The following AP3D1 variants were observed in gnomAD, a reference collection of about 807,000 sequenced individuals.
The protein encoded by AP3D1 is adaptor related protein complex 3 subunit delta 1.
AP3D1 carries 51 observed loss-of-function variants against 147.6 expected under a neutral mutation model. The observed-to-expected ratio is 0.35, with a 90% CI of 0.28 to 0.44. The LOEUF is 0.44. Among genes scored for constraint, AP3D1 ranks in the 20% least tolerant of loss-of-function variants. The pLI is 1.00. For missense variants in AP3D1, 1,421 were observed against 1,624.2 expected (o/e 0.87, Z 2.15); for synonymous variants, 760 against 663.0 (o/e 1.15, Z -2.25).
intron 1 of AP3D1, among the ~76,000 whole-genome samples, chr19:2,147,664 G>A (rs1235226544): frequency 6.6e-6 from 1 of 151,828 alleles, no homozygotes; most frequent in Non-Finnish European, 1.5e-5. Context: ...GGGAGGCAAA[G>A]GTGGGCAGAT....
intron 1 of AP3D1, among the ~76,000 whole-genome samples, chr19:2,157,831 G>A (rs2019660892): frequency 6.6e-6 from 1 of 152,228 alleles, no homozygotes; most frequent in Non-Finnish European, 1.5e-5. Flanking sequence ...CAGGATTGGG[G>A]AAAAGTGATC....
chr19:2,113,022 C>T, intron 23 of AP3D1, 55 bp from the exon 24 acceptor site: 2 of 1,347,178 alleles, frequency 1.5e-6, no homozygotes, highest in Non-Finnish European at 2.1e-6. Context: ...CCCCACTCCA[C>T]TGCACCCCAG....
intron 1 of AP3D1, 87 bp downstream of exon 1, chr19:2,151,152 G>A: frequency 2.4e-6 from 3 of 1,274,180 alleles, no homozygotes; most frequent in Non-Finnish European, 3.2e-6. Flanking sequence ...CGGGCGGGCG[G>A]CAGGCCGAGC....
intron 5 of AP3D1, among the ~76,000 whole-genome samples, chr19:2,131,706 C>T (rs1299580847): frequency 1.4e-4 from 11 of 76,066 alleles, no homozygotes; most frequent in African/African-American, 4.9e-4. Context: ...TAGACACCTC[C>T]GGGCGGACAG....
chr19:2,111,843 G>A lies in AP3D1; in HGVS notation c.2788-15C>T, dbSNP rs1251606132. 2 of 1,613,220 alleles carry A rather than the reference G, an allele frequency of 1.2e-6. No individual in the cohort carries two copies. Among genetic ancestry groups the A allele is most frequent in the East Asian group, 4.5e-5 (2 of 44,850 alleles). ...TTGGGAGATTTCTGGAGCAAGAGGAGGGTCGGGTTCAGTGCCCAGGCTGCT... is the reference window on the plus strand; with the variant it reads ...TTGGGAGATTTCTGGAGCAAGAGGAAGGTCGGGTTCAGTGCCCAGGCTGCT... On this transcript the variant is annotated splice_polypyrimidine_tract_variant and intron_variant, in intron 24 of 31. Transcript: ENST00000643116.
At chr19:2,158,589 T>G (rs1362464647) in intron 1 of AP3D1, among the ~76,000 whole-genome samples, 1 of 151,726 alleles carries the variant, frequency 6.6e-6, no homozygotes, top group Non-Finnish European at 1.5e-5. Flanking sequence ...ATTACAAGCC[T>G]GAGCCACCGA....
chr19:2,152,622 A>G (rs1453834488), upstream of AP3D1, among the ~76,000 whole-genome samples: 1 of 152,048 alleles, frequency 6.6e-6, no homozygotes, highest in African/African-American at 2.4e-5. Flanking sequence ...TCACACCTGT[A>G]ATCCCAGCAC....
rs770025208 is a variant in AP3D1 at position 2,121,784 on chromosome 19, C to T, written c.1051G>A (p.Asp351Asn). The T allele has an allele frequency of 6.8e-6, 11 of 1,612,848 alleles. No homozygotes were observed. Among genetic ancestry groups the T allele is most frequent in the East Asian group, 2.2e-5 (1 of 44,848 alleles). Residue 351 changes from aspartate (D) to asparagine (N), a missense_variant, in exon 12 of 32, where the codon GAC becomes AAC. Coordinates refer to ENST00000643116, the MANE Select transcript of AP3D1 (RefSeq NM_001261826.3). ...CGCAGCCGGATGGACTCGTCCTTGT[C>T]GTCCAGGCACTGCAGGATGAGGTCC... The part of the protein sequence containing the change: ...HKDLILQCLD[D>N]KDESIRLRAL...
At chr19:2,146,709 C>T (rs2019366337) in intron 1 of AP3D1, among the ~76,000 whole-genome samples, 1 of 152,192 alleles carries the variant, frequency 6.6e-6, no homozygotes, top group Admixed American at 6.5e-5. Flanking sequence ...AATCCACGCC[C>T]TCTGGTCCAC....
chr19:2,151,207 G>T, intron 1 of AP3D1, 32 bp downstream of exon 1: 1 of 1,594,068 alleles, frequency 6.3e-7, no homozygotes, highest in Non-Finnish European at 8.6e-7. Flanking sequence ...GCTGTGACCA[G>T]GCCGAGCAGC....
chr19:2,153,385 G>GA (rs57971676), upstream of AP3D1, among the ~76,000 whole-genome samples: 14 of 95,140 alleles, frequency 1.5e-4, no homozygotes, highest in East Asian at 1.4e-3. Context: ...AAAAAGAAGT[G>GA]GGGGGGGGGA....
At chr19:2,137,533 C>T (rs1486829730) in intron 3 of AP3D1, among the ~76,000 whole-genome samples, 194 bp downstream of exon 3, 2 of 152,130 alleles carry the variant, frequency 1.3e-5, no homozygotes, top group Non-Finnish European at 2.9e-5. Context: ...CCAGCCTGGT[C>T]TCCAACTCCC....
chr19:2,120,845 G>A lies in AP3D1; in HGVS notation c.1481+17C>T. ...GCTTGGAGAAGCTGCCAGCCCAGAGGCCCAGCGCCCACTCACTCTGAGAAC... is the reference window on the plus strand; with the variant it reads ...GCTTGGAGAAGCTGCCAGCCCAGAGACCCAGCGCCCACTCACTCTGAGAAC... On this transcript the variant is annotated intron_variant, in intron 14 of 31. Transcript: ENST00000643116. 1 of 1,599,278 alleles carries A rather than the reference G, an allele frequency of 6.3e-7. No homozygotes were observed. Among genetic ancestry groups the A allele is most frequent in the Non-Finnish European group, 8.5e-7 (1 of 1,174,700 alleles).
Position 2,105,196 on chromosome 19 carries a change from G to A in AP3D1, c.3553-2928C>T, listed in dbSNP as rs557770002. ...CCCATCTGAATACGGCCTCTGGGGCGTGAGGGGCAGCAGCCCAGGCTGGGG... is the reference window on the plus strand; with the variant it reads ...CCCATCTGAATACGGCCTCTGGGGCATGAGGGGCAGCAGCCCAGGCTGGGG... On this transcript the variant is annotated intron_variant, in intron 31 of 31. Transcript: ENST00000643116. 3.5e-3 allele frequency among the ~76,000 whole-genome samples: 533 copies of A among 152,348 alleles called. 2 individuals are homozygous for A. The highest frequency in any genetic ancestry group is 5.6e-3 in the Non-Finnish European group (378 of 68,038).
At chr19:2,124,935 G>A (rs763560260) in intron 9 of AP3D1, among the ~76,000 whole-genome samples, 2 of 152,002 alleles carry the variant, frequency 1.3e-5, no homozygotes, top group African/African-American at 2.4e-5. Flanking sequence ...GAGAAACTCC[G>A]CGATCCCCCC....
chr19:2,151,015 T>C (rs914525956), intron 1 of AP3D1, among the ~76,000 whole-genome samples: 1 of 152,338 alleles, frequency 6.6e-6, no homozygotes, highest in South Asian at 2.1e-4. Context: ...ATCCGAGATG[T>C]GCTGCTCCAA....
chr19:2,114,720 C>T (rs761844036), intron 21 of AP3D1, 28 bp downstream of exon 21: 1 of 1,607,546 alleles, frequency 6.2e-7, no homozygotes, highest in Non-Finnish European at 8.5e-7. Context: ...GTGGCCTCCA[C>T]CCTCACCCTG....
chr19:2,112,688 T>C, intron 24 of AP3D1, 172 bp downstream of exon 24: 2 of 560,052 alleles, frequency 3.6e-6, no homozygotes, highest in Non-Finnish European at 6.3e-6. Flanking sequence ...ATAAGAAGGT[T>C]ATTAAAAAAA....
At chr19:2,107,224 C>T (rs1238974165) in intron 31 of AP3D1, among the ~76,000 whole-genome samples, 2 of 149,318 alleles carry the variant, frequency 1.3e-5, no homozygotes, top group Non-Finnish European at 3.0e-5. Flanking sequence ...CGCGCCACTG[C>T]AGTCCAGCCT....
Sources: allele counts gnomAD v4.1 joint callset (sites outside exome capture counted in the v4.1 genomes callset), GRCh38; gene constraint gnomAD v4.1.1; transcripts MANE v1.5; gene names NCBI Gene and HGNC (gene_info 2026-07-23, HGNC 2026-07-21).